Variants in GEMIN8 observed in about 807,000 individuals in gnomAD.
GEMIN8 encodes the protein gem-associated protein 8.
For missense variants in GEMIN8, 185 were observed against 205.9 expected (o/e 0.90, Z 0.62); for synonymous variants, 80 against 78.5 (o/e 1.02, Z -0.10).
chrX:14,028,823 T>A (rs1210884528), intron 1 of GEMIN8, among the ~76,000 whole-genome samples: 2 of 112,369 alleles, frequency 1.8e-5, no homozygotes, highest in East Asian at 5.5e-4. Flanking sequence ...CTGTTCACAT[T>A]GAAATTACAA....
At chrX:14,023,312 T>G (rs1032151171) in intron 2 of GEMIN8, among the ~76,000 whole-genome samples, 7 of 112,031 alleles carry the variant, frequency 6.2e-5, no homozygotes, top group African/African-American at 2.3e-4. Flanking sequence ...GAAATTAGTA[T>G]GTACTTAAGA....
In GEMIN8 at chrX:14,016,844, C is replaced by CA. The variant is rs1174566527; in HGVS notation, c.472+3233dup. Among the ~76,000 whole-genome samples the CA allele has an allele frequency of 4.3e-3, 96 of 22,537 alleles. 4 individuals carry two copies. The East Asian group carries it at 0.053, about 12-fold the overall frequency. 19.6% of individuals were successfully genotyped at this position (22,537 alleles called of 115,157 possible). On this transcript the variant is annotated intron_variant, in intron 4 of 4. Coordinates refer to ENST00000680255, the MANE Select transcript of GEMIN8 (RefSeq NM_001042479.2). ...TGGGTGACAGAGTAAGAATCTGTCT[C>CA]AAAAAAAAAAAAAAAAAAAAAAATA...
At chrX:14,004,440 G>C (rs1403034602), downstream of GEMIN8, among the ~76,000 whole-genome samples, 4 of 112,456 alleles carry the variant, frequency 3.6e-5, no homozygotes, top group Non-Finnish European at 7.5e-5. Flanking sequence ...TAGGATTGCT[G>C]GGTCATATGT....
intron 4 of GEMIN8, chrX:14,014,266 A>G: frequency 1.3e-6 from 1 of 753,801 alleles, no homozygotes; most frequent in Non-Finnish European, 1.6e-6. Context: ...GAGGGAAAGC[A>G]CAAACTTGAT....
the GEMIN8 span, among the ~76,000 whole-genome samples, chrX:13,993,504 C>G: frequency 6.3e-3 from 664 of 105,407 alleles, 7 homozygotes; most frequent in African/African-American, 0.022. Flanking sequence ...GTGGTATGAC[C>G]TCCTGGGCTC....
At position 14,014,438 on chromosome X, in the gene GEMIN8, T is replaced by C. The variant is rs976761690; in HGVS notation, c.473-5269A>G. On this transcript the variant is annotated intron_variant, in intron 4 of 4. Coordinates refer to ENST00000680255, the MANE Select transcript of GEMIN8 (RefSeq NM_001042479.2). ...GAAGTTACTGGACAACCGCCATTTT[T>C]ACTTTTACAACAGAAGTGCATTTTC... is the stretch of plus-strand genomic sequence containing the variant. The C allele has an allele frequency of 1.2e-5, 9 of 750,895 alleles. No individual in the cohort carries two copies. The African/African-American group carries it at 1.9e-4, about 15-fold the overall frequency. The allele number at this position is 750,895 out of a possible 1,213,427, so 61.9% of individuals were successfully genotyped here.
intron 4 of GEMIN8, among the ~76,000 whole-genome samples, chrX:14,013,175 A>G: frequency 8.9e-6 from 1 of 111,934 alleles, no homozygotes; most frequent in Non-Finnish European, 1.9e-5. Flanking sequence ...ATTCTCAATC[A>G]CTGGCAGTTT....
At chrX:13,994,420 A>G in the GEMIN8 span, among the ~76,000 whole-genome samples, 4 of 112,127 alleles carry the variant, frequency 3.6e-5, no homozygotes, top group South Asian at 3.7e-4. Flanking sequence ...TCTGAGCTGC[A>G]CTGTCCTCAC....
downstream of GEMIN8, among the ~76,000 whole-genome samples, chrX:14,002,550 C>T (rs1179737620): frequency 9.0e-6 from 1 of 111,292 alleles, no homozygotes; most frequent in Non-Finnish European, 1.9e-5. Flanking sequence ...TGCAATGGTG[C>T]AATCTCGGCT....
At chrX:14,009,626 T>G (rs1171222432) in intron 4 of GEMIN8, among the ~76,000 whole-genome samples, 1 of 111,618 alleles carries the variant, frequency 9.0e-6, no homozygotes, top group Non-Finnish European at 1.9e-5. Flanking sequence ...CAACAAGCCC[T>G]GAAAACACAG....
At chrX:13,996,348 G>T in the GEMIN8 span, among the ~76,000 whole-genome samples, 1 of 111,967 alleles carries the variant, frequency 8.9e-6, no homozygotes, top group Non-Finnish European at 1.9e-5. Flanking sequence ...TGCTGATAGA[G>T]ACATACCCAA....
At chrX:13,991,408 G>A in the GEMIN8 span, among the ~76,000 whole-genome samples, 5 of 111,901 alleles carry the variant, frequency 4.5e-5, no homozygotes, top group African/African-American at 1.6e-4. Context: ...TCTGAGGGGG[G>A]ACATCCTTAG....
chrX:13,985,859 A>C, the GEMIN8 span, among the ~76,000 whole-genome samples: 1 of 111,673 alleles, frequency 9.0e-6, no homozygotes. Flanking sequence ...AGAGACTTGC[A>C]CAGGGAGTGC....
chrX:14,021,766 T>C (rs1229117892), intron 2 of GEMIN8, among the ~76,000 whole-genome samples: 6 of 99,916 alleles, frequency 6.0e-5, no homozygotes, highest in Non-Finnish European at 1.2e-4. Flanking sequence ...CTATAGGAAG[T>C]AAAGTCTATG....
chrX:14,024,172 T>C (rs1410518127), intron 2 of GEMIN8, among the ~76,000 whole-genome samples: 1 of 112,160 alleles, frequency 8.9e-6, no homozygotes, highest in East Asian at 2.8e-4. Context: ...ATTGATGATG[T>C]TCTCCAGGCT....
At chrX:13,986,147 A>C in the GEMIN8 span, among the ~76,000 whole-genome samples, 1 of 112,441 alleles carries the variant, frequency 8.9e-6, no homozygotes, top group African/African-American at 3.2e-5. Flanking sequence ...AAATTGACTA[A>C]GGAAATGGAA....
chrX:13,993,920 G>A, the GEMIN8 span, among the ~76,000 whole-genome samples: 1 of 111,161 alleles, frequency 9.0e-6, no homozygotes, highest in African/African-American at 3.3e-5. Flanking sequence ...TGACAGCAGG[G>A]CCCAGGAATC....
chrX:14,020,528 T>C lies in GEMIN8; in HGVS notation c.22A>G (p.Thr8Ala). Residue 8 changes from threonine to alanine, a missense_variant, in exon 4 of 5, where the codon ACA (threonine) becomes GCA (alanine). Transcript: ENST00000680255. MAAVKAS[T>A]SKATRPWYSH... ...TACCAAGGCCTGGTAGCTTTCGATG[T>C]TGATGCCTACAAAATGAAAGGAGGT... 1.7e-6 allele frequency: 2 copies of C among 1,162,358 alleles called. No homozygotes were observed. Among genetic ancestry groups the C allele is most frequent in the Non-Finnish European group, 2.3e-6 (2 of 851,688 alleles).
chrX:13,994,092 G>A, the GEMIN8 span, among the ~76,000 whole-genome samples: 2 of 111,767 alleles, frequency 1.8e-5, no homozygotes, highest in Non-Finnish European at 3.8e-5. Context: ...AATCACCAGG[G>A]AAGCTTTAAA....
Sources: allele counts gnomAD v4.1 joint callset (sites outside exome capture counted in the v4.1 genomes callset), GRCh38; gene constraint gnomAD v4.1.1; transcripts MANE v1.5; gene names NCBI Gene and HGNC (gene_info 2026-07-23, HGNC 2026-07-21).